Variants in RBFOX1 observed in about 807,000 individuals in gnomAD.
The protein encoded by RBFOX1 is RNA binding fox-1 homolog 1, also known as RNA binding protein fox-1 homolog 1.
In RBFOX1, 8 loss-of-function variants were observed where a neutral mutation model predicts 57.7. That is an observed-to-expected ratio of 0.14 (90% CI 0.08 to 0.25). The LOEUF (loss-of-function observed/expected upper bound fraction) is 0.25. Among genes scored for constraint, RBFOX1 ranks in the 10% least tolerant of loss-of-function variants. The pLI is 1.00. For synonymous variants in RBFOX1, 326 were observed against 222.4 expected, an observed-to-expected ratio of 1.47 and a Z score of -4.15; for missense variants, 611 against 548.5, an observed-to-expected ratio of 1.11 and a Z score of -1.14.
At chr16:5,448,728 A>T (rs1042793724) in intron 1 of RBFOX1, among the ~76,000 whole-genome samples, 5 of 152,228 alleles carry the variant, frequency 3.3e-5, no homozygotes, top group Non-Finnish European at 5.9e-5. Flanking sequence ...ACTTGCTGGT[A>T]ATAAATTAGC....
intron 4 of RBFOX1, among the ~76,000 whole-genome samples, chr16:7,120,024 CTGG>C (rs2066762942): frequency 7.1e-6 from 1 of 141,596 alleles, no homozygotes; most frequent in African/African-American, 2.5e-5. Context: ...TTGAGTTAAG[CTGG>C]AAATCAGTAA....
chr16:6,459,509 G>T (rs550914543), intron 2 of RBFOX1, among the ~76,000 whole-genome samples: 2 of 152,018 alleles, frequency 1.3e-5, no homozygotes, highest in Non-Finnish European at 2.9e-5. Flanking sequence ...AAAGAAAATC[G>T]CTTTAGAGCT....
chr16:5,425,099 A>G (rs1261866343), intron 1 of RBFOX1, among the ~76,000 whole-genome samples: 6 of 138,328 alleles, frequency 4.3e-5, no homozygotes, highest in Non-Finnish European at 9.2e-5. Context: ...CTATCTATCT[A>G]TCTATCTATC....
intron 4 of RBFOX1, among the ~76,000 whole-genome samples, chr16:7,080,715 C>T (rs1351337171): frequency 2.6e-5 from 4 of 152,138 alleles, no homozygotes; most frequent in Non-Finnish European, 5.9e-5. Context: ...GTATGCTTCC[C>T]ATCACAGATG....
chr16:6,883,980 A>G (rs1016470830), intron 3 of RBFOX1, among the ~76,000 whole-genome samples: 1 of 152,086 alleles, frequency 6.6e-6, no homozygotes. Context: ...AGATGGGGAG[A>G]TTGTGAAAAC....
chr16:5,824,050 C>T (rs926582912), intron 3 of RBFOX1, among the ~76,000 whole-genome samples: 1 of 152,100 alleles, frequency 6.6e-6, no homozygotes, highest in African/African-American at 2.4e-5. Flanking sequence ...GGCCTGGTTT[C>T]GAATCAAGAT....
At chr16:7,071,829 C>T (rs976731074) in intron 4 of RBFOX1, among the ~76,000 whole-genome samples, 24 of 152,044 alleles carry the variant, frequency 1.6e-4, no homozygotes, top group Admixed American at 1.5e-3. Context: ...CACACCTGCC[C>T]ATTAATCTGC....
chr16:5,410,738 C>T (rs966359393), intron 1 of RBFOX1, among the ~76,000 whole-genome samples: 1 of 152,104 alleles, frequency 6.6e-6, no homozygotes, highest in Non-Finnish European at 1.5e-5. Context: ...AGCCACTGCT[C>T]CAGCTGTTCC....
Position 6,396,580 on chromosome 16 carries a change from G to A in RBFOX1, c.-64+79523G>A, listed in dbSNP as rs950057134. The stretch of plus-strand genomic sequence containing the variant: ...GACTGAAAGAACCGAGTGGATACTC[G>A]AGTTGCTAAACAGGTAGAGGATGCA... On this transcript the variant is annotated intron_variant, in intron 2 of 15. Transcript: ENST00000550418. Among the ~76,000 whole-genome samples, 6 of 152,252 alleles carry A rather than the reference G, an allele frequency of 3.9e-5. No homozygotes were observed. The East Asian group carries it at 1.2e-3, about 29-fold the overall frequency.
intron 1 of RBFOX1, among the ~76,000 whole-genome samples, chr16:6,240,833 G>C (rs2152925790): frequency 6.6e-6 from 1 of 152,258 alleles, no homozygotes; most frequent in Non-Finnish European, 1.5e-5. Context: ...TTTTCAGTCA[G>C]AAATATGCAC....
chr16:6,941,353 T>TCCTTCCTTCCTTCCTTCCTA (rs2078479973), intron 3 of RBFOX1, among the ~76,000 whole-genome samples: 1 of 140,782 alleles, frequency 7.1e-6, no homozygotes, highest in East Asian at 2.2e-4. Context: ...CTTCCTTCCT[T>TCCTTCCTTCCTTCCTTCCTA]CCTTCTCTAT....
chr16:6,343,454 G>C (rs1029438873), intron 2 of RBFOX1, among the ~76,000 whole-genome samples: 1 of 152,208 alleles, frequency 6.6e-6, no homozygotes, highest in African/African-American at 2.4e-5. Flanking sequence ...AAGAACTGAA[G>C]TGAGGATTTG....
chr16:6,001,563 G>A (rs538969980), intron 4 of RBFOX1, among the ~76,000 whole-genome samples: 47 of 152,214 alleles, frequency 3.1e-4, no homozygotes, highest in African/African-American at 8.4e-4. Flanking sequence ...AGATAAGTGC[G>A]TAATTAAATA....
rs574940150 is a variant in RBFOX1 at position 7,137,301 on chromosome 16, A to C, written c.27+85203A>C. On this transcript the variant is annotated intron_variant, in intron 4 of 15. Transcript: ENST00000550418. The stretch of plus-strand genomic sequence containing the variant: ...TACGGTTTGGCTGTGTCCCCAGCCA[A>C]ATGTCATCTTGAACTGTAGCTCCTG... Among the ~76,000 whole-genome samples, 9 of 152,210 alleles carry C rather than the reference A, an allele frequency of 5.9e-5. No individual in the cohort carries two copies. The South Asian group carries it at 8.3e-4, about 14-fold the overall frequency.
At chr16:5,837,606 CTTT>C (rs35808036) in intron 3 of RBFOX1, among the ~76,000 whole-genome samples, 3 of 143,756 alleles carry the variant, frequency 2.1e-5, no homozygotes, top group African/African-American at 2.6e-5. Context: ...CCAGCCCCCT[CTTT>C]TTTTTTTTTT....
At chr16:7,040,466 T>C (rs2045807932) in intron 3 of RBFOX1, among the ~76,000 whole-genome samples, 1 of 152,208 alleles carries the variant, frequency 6.6e-6, no homozygotes, top group African/African-American at 2.4e-5. Flanking sequence ...CTGCTCTTAG[T>C]ATGAATTTAT....
intron 1 of RBFOX1, among the ~76,000 whole-genome samples, chr16:6,222,006 C>T (rs1472690819): frequency 6.6e-6 from 1 of 152,046 alleles, no homozygotes; most frequent in African/African-American, 2.4e-5. Context: ...TTCATGTTTC[C>T]TCATGTCACT....
chr16:7,361,494 G>A (rs566603030), intron 4 of RBFOX1, among the ~76,000 whole-genome samples: 32 of 152,276 alleles, frequency 2.1e-4, no homozygotes, highest in African/African-American at 7.0e-4. Flanking sequence ...CACCCTCCTA[G>A]TCCGTGAAAT....
At chr16:6,414,252 A>G (rs1248855628) in intron 2 of RBFOX1, among the ~76,000 whole-genome samples, 1 of 152,228 alleles carries the variant, frequency 6.6e-6, no homozygotes, top group Non-Finnish European at 1.5e-5. Flanking sequence ...GCCTGAATTG[A>G]TAAGTCAAGT....
Sources: allele counts gnomAD v4.1 joint callset (sites outside exome capture counted in the v4.1 genomes callset), GRCh38; gene constraint gnomAD v4.1.1; transcripts MANE v1.5; gene names NCBI Gene and HGNC (gene_info 2026-07-23, HGNC 2026-07-21).